Variants in PCDHA5 observed in about 807,000 individuals in gnomAD.
PCDHA5 encodes protocadherin alpha-5.
PCDHA5 carries 43 observed loss-of-function variants against 61.6 expected under a neutral mutation model. The observed-to-expected ratio is 0.70, with a 90% CI of 0.55 to 0.90. PCDHA5 has a LOEUF of 0.90. Among genes scored for constraint, PCDHA5 ranks in the 40% least tolerant of loss-of-function variants. The pLI is 0.00. For missense variants in PCDHA5, 1,298 were observed against 1,222.7 expected, an observed-to-expected ratio of 1.06 and a Z score of -0.92; for synonymous variants, 627 against 543.9, an observed-to-expected ratio of 1.15 and a Z score of -2.13.
At chr5:140,944,197 T>C (rs1404957342) in intron 1 of PCDHA5, among the ~76,000 whole-genome samples, 2 of 152,120 alleles carry the variant, frequency 1.3e-5, no homozygotes, top group Non-Finnish European at 2.9e-5. Context: ...TTTTGTTTTG[T>C]TTTGTTTTTA....
chr5:140,967,340 C>G, intron 1 of PCDHA5: 1 of 1,607,862 alleles, frequency 6.2e-7, no homozygotes. Flanking sequence ...CCCCAGCGAG[C>G]ACTTCGAGCT....
chr5:140,837,389 T>A (rs1775035247), intron 1 of PCDHA5, among the ~76,000 whole-genome samples: 1 of 151,976 alleles, frequency 6.6e-6, no homozygotes, highest in Non-Finnish European at 1.5e-5. Context: ...TTGTTCCTTG[T>A]TTGTATAAGA....
chr5:140,966,454 C>A (rs897696652), intron 1 of PCDHA5: 2 of 426,524 alleles, frequency 4.7e-6, no homozygotes, highest in Non-Finnish European at 8.1e-6. Flanking sequence ...TCCCCCTCCC[C>A]CTCTGTCTTC....
At position 140,856,259 on chromosome 5, in the gene PCDHA5, G is replaced by T. The variant is rs199529084; in HGVS notation, c.2352+32132G>T. The T allele has an allele frequency of 2.8e-5, 45 of 1,597,976 alleles. 8 individuals are homozygous for T. Among genetic ancestry groups the T allele is most frequent in the Non-Finnish European group, 2.9e-5 (34 of 1,167,878 alleles). The stretch of plus-strand genomic sequence containing the variant: ...GTTCCGGGTGGCGTCCAAAAGACAC[G>T]GGGACCTTCTGGAGGTAAATCTGCA... On this transcript the variant is annotated intron_variant, in intron 1 of 3. Coordinates refer to ENST00000529859, the MANE Select transcript of PCDHA5 (RefSeq NM_018908.3).
intron 1 of PCDHA5, among the ~76,000 whole-genome samples, chr5:140,957,344 G>A (rs994510401): frequency 5.9e-5 from 9 of 152,114 alleles, no homozygotes; most frequent in Non-Finnish European, 1.2e-4. Context: ...TATTTTGAGA[G>A]AGAGACCACA....
At position 140,821,683 on chromosome 5, in the gene PCDHA5, A is replaced by C. The variant is rs2150110086; in HGVS notation, c.-93A>C. ...GTGCCAAGAAGCTCAGAAAGGCGAT[A>C]ATATAAAAAATATATAGTTAATTGG... On this transcript the variant is annotated 5_prime_UTR_variant, in exon 1 of 4. Transcript: ENST00000529859. 13 of 1,347,802 alleles carry C rather than the reference A, an allele frequency of 9.6e-6. No individual in the cohort carries two copies. In the South Asian group the frequency reaches 1.5e-4, roughly 15 times the overall value. 83.5% of individuals were successfully genotyped at this position (1,347,802 alleles called of 1,614,324 possible).
chr5:140,989,197 C>T (rs2097332742), intron 3 of PCDHA5, among the ~76,000 whole-genome samples: 1 of 152,206 alleles, frequency 6.6e-6, no homozygotes, highest in Admixed American at 6.5e-5. Context: ...ACCCTCCCTT[C>T]TAGCTTTCTT....
rs2150421063 is a variant in PCDHA5, at chr5:140,848,806, T to C, written c.2352+24679T>C. The C allele has an allele frequency of 8.8e-6, 14 of 1,591,932 alleles. 1 individual carries two copies. The South Asian group carries it at 1.4e-4, about 16-fold the overall frequency. The stretch of plus-strand genomic sequence containing the variant: ...TGCGGGCGGAGCGCGGAGTGCAGCA[T>C]CCACCTGGAGGTGATCGTAGACAGG... On this transcript the variant is annotated intron_variant, in intron 1 of 3. Coordinates refer to ENST00000529859, the MANE Select transcript of PCDHA5 (RefSeq NM_018908.3).
At chr5:140,869,659 G>A (rs782595471) in intron 1 of PCDHA5, 4 of 1,613,446 alleles carry the variant, frequency 2.5e-6, no homozygotes, top group Non-Finnish European at 3.4e-6. Context: ...ACCAACAAAT[G>A]GTAAGCAGAT....
chr5:140,870,339 G>A (rs1554164098), intron 1 of PCDHA5: 1 of 1,614,064 alleles, frequency 6.2e-7, no homozygotes, highest in East Asian at 2.2e-5. Context: ...ACAGCGCCCT[G>A]GACCGCGAGA....
In PCDHA5 at chr5:140,967,672, C is replaced by G. The variant is rs781956405; in HGVS notation, c.2353-11277C>G. 36 of 1,614,182 alleles carry G rather than the reference C, an allele frequency of 2.2e-5. No individual in the cohort carries two copies. The South Asian group carries it at 3.8e-4, about 17-fold the overall frequency. ...ACTCCTTGAGCAGCTACACGTCGGACCGGGAGAGGCAGCTCTTCAGCATAG... is the reference window on the plus strand; with the variant it reads ...ACTCCTTGAGCAGCTACACGTCGGAGCGGGAGAGGCAGCTCTTCAGCATAG... On this transcript the variant is annotated intron_variant, in intron 1 of 3. Transcript: ENST00000529859.
intron 1 of PCDHA5, chr5:140,851,766 T>G: frequency 2.1e-6 from 2 of 968,988 alleles, no homozygotes; most frequent in Non-Finnish European, 2.5e-6. Flanking sequence ...AACATTACCC[T>G]TATGAATTTA....
At chr5:140,911,518 T>C (rs531265598) in intron 1 of PCDHA5, among the ~76,000 whole-genome samples, 1 of 152,346 alleles carries the variant, frequency 6.6e-6, no homozygotes, top group East Asian at 1.9e-4. Flanking sequence ...TATCTGCTTC[T>C]GAAGCTAGGA....
chr5:140,907,705 G>A (rs2073545190), intron 1 of PCDHA5, among the ~76,000 whole-genome samples: 1 of 152,204 alleles, frequency 6.6e-6, no homozygotes, highest in Non-Finnish European at 1.5e-5. Context: ...CCCTGTTGCT[G>A]AGCCCATGTG....
At chr5:140,863,489 C>T (rs1032120656) in intron 1 of PCDHA5, 20 of 450,876 alleles carry the variant, frequency 4.4e-5, no homozygotes, top group Non-Finnish European at 8.4e-5. Context: ...CCAAGGTCAA[C>T]ATTACGGCTT....
At chr5:140,889,160 A>T (rs1582978614) in intron 1 of PCDHA5, among the ~76,000 whole-genome samples, 1 of 151,778 alleles carries the variant, frequency 6.6e-6, no homozygotes, top group Middle Eastern at 3.4e-3. Context: ...TTCTTTGTTA[A>T]GTATTCAAGT....
At position 140,845,521 on chromosome 5, in the gene PCDHA5, A is replaced by G. The variant is rs1275261867; in HGVS notation, c.2352+21394A>G. Among the ~76,000 whole-genome samples, 5 of 149,702 alleles carry G rather than the reference A, an allele frequency of 3.3e-5. No homozygotes were observed. In the East Asian group the frequency reaches 9.7e-4, roughly 29 times the overall value. ...GTCTAAACCTATTTCTTGTACATTA[A>G]TACTTTTCACTATTCTAATTATGGT... On this transcript the variant is annotated intron_variant, in intron 1 of 3. Transcript: ENST00000529859.
chr5:140,927,073 C>T (rs782173390), intron 1 of PCDHA5: 11 of 1,611,108 alleles, frequency 6.8e-6, no homozygotes, highest in Middle Eastern at 1.7e-4. Context: ...CCTTTCCAGC[C>T]ACCGCGAGCT....
intron 1 of PCDHA5, chr5:140,850,332 C>T (rs1349532162): frequency 1.3e-6 from 2 of 1,597,432 alleles, no homozygotes; most frequent in Admixed American, 1.7e-5. Context: ...CGAGCTGCAG[C>T]CAGAAACGGC....
Sources: allele counts gnomAD v4.1 joint callset (sites outside exome capture counted in the v4.1 genomes callset), GRCh38; gene constraint gnomAD v4.1.1; transcripts MANE v1.5; gene names NCBI Gene and HGNC (gene_info 2026-07-23, HGNC 2026-07-21).